The following MYO1D variants were observed in gnomAD, a reference collection of about 807,000 sequenced individuals.
MYO1D encodes unconventional myosin-Id.
In MYO1D, 83 loss-of-function variants were observed where a neutral mutation model predicts 122.0. The observed-to-expected ratio is 0.68, with a 90% CI of 0.57 to 0.82. The LOEUF (loss-of-function observed/expected upper bound fraction) is 0.82, where lower values mean the gene tolerates loss of function less well. MYO1D is among the 40% of genes least tolerant of loss of function. The pLI, the probability that MYO1D is intolerant of heterozygous loss-of-function variation, is 0.00. For synonymous variants in MYO1D, 464 were observed against 446.9 expected, an observed-to-expected ratio of 1.04 and a Z score of -0.48; for missense variants, 1,157 against 1,269.5, an observed-to-expected ratio of 0.91 and a Z score of 1.35.
At chr17:32,828,657 G>A (rs2151063948) in intron 1 of MYO1D, among the ~76,000 whole-genome samples, 1 of 152,258 alleles carries the variant, frequency 6.6e-6, no homozygotes, top group South Asian at 2.1e-4. Flanking sequence ...AGAGAGGGAG[G>A]GAGGGAAAAT....
intron 21 of MYO1D, chr17:32,594,110 C>A (rs558276292): frequency 6.5e-6 from 1 of 152,954 alleles, no homozygotes; most frequent in Non-Finnish European, 1.5e-5. Context: ...ATTTAGTTAA[C>A]CCTTGAAATT....
chr17:32,803,843 C>A (rs1162007472), intron 1 of MYO1D, among the ~76,000 whole-genome samples: 3 of 152,164 alleles, frequency 2.0e-5, no homozygotes, highest in African/African-American at 7.2e-5. Flanking sequence ...ACAGAGTAGT[C>A]CCACTTATAA....
At position 32,791,963 on chromosome 17, in the gene MYO1D, A is replaced by AT. The variant is rs541860043; in HGVS notation, c.96-11180dup. On this transcript the variant is annotated intron_variant, in intron 1 of 21. Transcript: ENST00000318217. The stretch of plus-strand genomic sequence containing the variant: ...AGTTGTTGTTTTTGAATGAATGGCA[A>AT]TTTTTTTTTCTCTAATTAAAATGTT... Among the ~76,000 whole-genome samples, 323 of 151,650 alleles carry AT rather than the reference A, an allele frequency of 2.1e-3. 2 individuals are homozygous for AT. Among genetic ancestry groups the AT allele is most frequent in the Non-Finnish European group, 5.5e-4 (37 of 67,866 alleles).
chr17:32,851,842 T>C (rs1471021505), intron 1 of MYO1D, among the ~76,000 whole-genome samples: 1 of 152,224 alleles, frequency 6.6e-6, no homozygotes, highest in African/African-American at 2.4e-5. Flanking sequence ...GCTCAGGCTG[T>C]AATGCTTGCT....
At chr17:32,717,961 C>T (rs2089467123) in intron 15 of MYO1D, among the ~76,000 whole-genome samples, 1 of 152,054 alleles carries the variant, frequency 6.6e-6, no homozygotes, top group Non-Finnish European at 1.5e-5. Flanking sequence ...TTCCTCTAGT[C>T]CTTCTGTTAC....
chr17:32,552,401 A>AATCCATCCATCCATCCACCCATCC (rs2087023733), intron 21 of MYO1D, among the ~76,000 whole-genome samples: 1 of 128,252 alleles, frequency 7.8e-6, no homozygotes, highest in Non-Finnish European at 1.7e-5. Context: ...TAACCTTTGT[A>AATCCATCCATCCATCCACCCATCC]ATCCATCCAT....
At chr17:32,676,641 C>G (rs1273578329) in intron 16 of MYO1D, among the ~76,000 whole-genome samples, 1 of 151,938 alleles carries the variant, frequency 6.6e-6, no homozygotes, top group Non-Finnish European at 1.5e-5. Flanking sequence ...TAGCCGCCAC[C>G]TCACAACCAC....
chr17:32,610,258 C>T (rs1290260340), intron 20 of MYO1D, among the ~76,000 whole-genome samples: 2 of 152,144 alleles, frequency 1.3e-5, no homozygotes, highest in Non-Finnish European at 2.9e-5. Context: ...GCTTCTCTCC[C>T]TCCCCTTCTC....
At chr17:32,502,864 C>T (rs75173009) in intron 21 of MYO1D, among the ~76,000 whole-genome samples, 4,202 of 152,302 alleles carry the variant, frequency 0.028, 84 homozygotes, top group Non-Finnish European at 0.045. Context: ...GGGCGTCTCC[C>T]TCTGAGGGTG....
chr17:32,580,789 G>A (rs950933539), intron 21 of MYO1D, among the ~76,000 whole-genome samples: 1 of 152,096 alleles, frequency 6.6e-6, no homozygotes, highest in Admixed American at 6.5e-5. Context: ...TGGTCACAAT[G>A]TATTATCCTT....
intron 21 of MYO1D, among the ~76,000 whole-genome samples, chr17:32,601,021 C>T (rs1011139538): frequency 6.6e-6 from 1 of 150,532 alleles, no homozygotes; most frequent in Admixed American, 6.7e-5. Flanking sequence ...GCACGATCAT[C>T]GCTCACTGCA....
intron 1 of MYO1D, among the ~76,000 whole-genome samples, chr17:32,791,420 C>T (rs770714141): frequency 2.3e-5 from 3 of 130,076 alleles, no homozygotes; most frequent in Non-Finnish European, 5.0e-5. Flanking sequence ...AAAATCTGAA[C>T]ATCAGCTATG....
chr17:32,521,860 A>G (rs1910150577), intron 21 of MYO1D, among the ~76,000 whole-genome samples: 1 of 151,924 alleles, frequency 6.6e-6, no homozygotes, highest in Non-Finnish European at 1.5e-5. Flanking sequence ...GAGGTGGGGG[A>G]ATCATGAAGT....
chr17:32,733,415 T>C (rs541971101), intron 14 of MYO1D, among the ~76,000 whole-genome samples: 1 of 152,342 alleles, frequency 6.6e-6, no homozygotes, highest in African/African-American at 2.4e-5. Flanking sequence ...TAGTATGAGT[T>C]TGGGTTGCAA....
intron 21 of MYO1D, among the ~76,000 whole-genome samples, chr17:32,516,802 A>G (rs1011280081): frequency 6.6e-6 from 1 of 152,200 alleles, no homozygotes; most frequent in Non-Finnish European, 1.5e-5. Flanking sequence ...GGAGAGAGAG[A>G]GCAGAATGGA....
chr17:32,691,401 ATTC>A (rs2089097163), intron 16 of MYO1D, among the ~76,000 whole-genome samples: 1 of 143,542 alleles, frequency 7.0e-6, no homozygotes, highest in South Asian at 2.2e-4. Flanking sequence ...TGCAAAGAAA[ATTC>A]TTTTTTTTTT....
At chr17:32,742,796 T>C (rs572560522) in intron 13 of MYO1D, among the ~76,000 whole-genome samples, 13 of 152,202 alleles carry the variant, frequency 8.5e-5, no homozygotes, top group Non-Finnish European at 1.6e-4. Flanking sequence ...GGCTTCAACA[T>C]CCATACAGAT....
At chr17:32,642,477 G>A (rs1350770620) in intron 19 of MYO1D, among the ~76,000 whole-genome samples, 3 of 152,164 alleles carry the variant, frequency 2.0e-5, no homozygotes, top group African/African-American at 7.2e-5. Context: ...GAAAGTCATT[G>A]GTAGCTTGAT....
At chr17:32,509,237 G>A (rs1408778381) in intron 21 of MYO1D, among the ~76,000 whole-genome samples, 1 of 152,172 alleles carries the variant, frequency 6.6e-6, no homozygotes, top group East Asian at 1.9e-4. Flanking sequence ...ATATGAAGAG[G>A]CACTAGGGAC....
Sources: gnomAD v4.1 joint callset for allele counts (sites outside exome capture counted in the v4.1 genomes callset) on GRCh38, gnomAD v4.1.1 for gene constraint, MANE v1.5 for transcripts, NCBI Gene and HGNC (gene_info 2026-07-23, HGNC 2026-07-21) for gene names.